SNPH: variants seen among roughly 807,000 people sequenced by gnomAD.
The protein encoded by SNPH is syntaphilin.
Under a neutral mutation model 36.8 loss-of-function variants are expected in SNPH, and 10 were observed. That is an observed-to-expected ratio of 0.27 (90% CI 0.17 to 0.46). The LOEUF (loss-of-function observed/expected upper bound fraction) is 0.46. Ranked by LOEUF, SNPH falls within the 20% of genes least tolerant of loss-of-function variation. SNPH has a pLI of 1.00. For missense variants in SNPH, 622 were observed against 744.0 expected, an observed-to-expected ratio of 0.84 and a Z score of 1.91; for synonymous variants, 281 against 312.2, an observed-to-expected ratio of 0.90 and a Z score of 1.05.
chr20:1,301,412 T>C (rs1432033719), intron 6 of SNPH, among the ~76,000 whole-genome samples: 1 of 152,196 alleles, frequency 6.6e-6, no homozygotes, highest in Non-Finnish European at 1.5e-5. Flanking sequence ...ACTGTGTCTA[T>C]GCAAACATGC....
intron 2 of SNPH, among the ~76,000 whole-genome samples, chr20:1,290,224 AT>A (rs1231493191): frequency 6.6e-6 from 1 of 151,764 alleles, no homozygotes; most frequent in East Asian, 1.9e-4. Context: ...AAAAAAAAAA[AT>A]TAAGTTTTTA....
chr20:1,277,740 C>CTATGT (rs2088157211), intron 2 of SNPH, among the ~76,000 whole-genome samples: 1 of 91,006 alleles, frequency 1.1e-5, no homozygotes, highest in Non-Finnish European at 2.1e-5. Flanking sequence ...CTGTGTGTGT[C>CTATGT]GTGTGTCTGT....
intron 2 of SNPH, among the ~76,000 whole-genome samples, chr20:1,273,446 T>C (rs2088095462): frequency 6.6e-6 from 1 of 152,198 alleles, no homozygotes; most frequent in East Asian, 1.9e-4. Flanking sequence ...TTTACAACCA[T>C]TCATTCAACC....
rs3803949 is a variant in SNPH at position 1,308,693 on chromosome 20, C to T, written c.*2639C>T. Reference sequence around the variant, plus strand: ...TTCCTTCCTGCCTAATACCTCCTCCCGTTGGGCTGTGACTTTTCCTCCTGC... The same window carrying T: ...TTCCTTCCTGCCTAATACCTCCTCCTGTTGGGCTGTGACTTTTCCTCCTGC... On this transcript the variant is annotated 3_prime_UTR_variant, in exon 7 of 7. Coordinates refer to ENST00000381867, the MANE Select transcript of SNPH (RefSeq NM_001318234.2). 33,124 of 152,546 alleles carry T rather than the reference C, an allele frequency of 0.22. 4,022 individuals carry two copies. The highest frequency in any genetic ancestry group is 0.46 in the East Asian group (2,376 of 5,162). The allele number at this position is 152,546 out of a possible 1,614,324, so 9.4% of individuals were successfully genotyped here.
At chr20:1,298,804 T>TTTTGTG (rs1200006436) in intron 5 of SNPH, among the ~76,000 whole-genome samples, 2 of 141,154 alleles carry the variant, frequency 1.4e-5, no homozygotes. Flanking sequence ...TTTTTCTAAT[T>TTTTGTG]TGTGTGTGTG....
intron 2 of SNPH, among the ~76,000 whole-genome samples, chr20:1,271,759 G>A (rs2088076004): frequency 1.3e-5 from 2 of 152,224 alleles, no homozygotes. Flanking sequence ...GAAAGACTCA[G>A]TTCAAAAGCC....
intron 2 of SNPH, among the ~76,000 whole-genome samples, chr20:1,281,286 G>A (rs3795144): frequency 0.21 from 32,097 of 151,968 alleles, 3,576 homozygotes; most frequent in African/African-American, 0.27. Flanking sequence ...TTAAAACGTC[G>A]TCATCCCTGA....
Position 1,304,317 on chromosome 20 carries a change from CA to C in SNPH, c.441-560del, listed in dbSNP as rs2088540035. Among the ~76,000 whole-genome samples the C allele has an allele frequency of 6.6e-6, 1 of 152,138 alleles. No individual in the cohort carries two copies. The highest frequency in any genetic ancestry group is 1.9e-4 in the East Asian group (1 of 5,194). On this transcript the variant is annotated intron_variant, in intron 6 of 6. Transcript: ENST00000381867. This position sits in a 1 kb window ranked among gnomAD's most constrained non-coding sequence, Gnocchi z 4.3. ...CTCTGCATGAGGGATGATGTAAAAT[CA>C]TCAGCCTCCCCCAACATTGAAAGCT...
At chr20:1,302,626 C>T (rs2088516791) in intron 6 of SNPH, among the ~76,000 whole-genome samples, 1 of 152,180 alleles carries the variant, frequency 6.6e-6, no homozygotes. Context: ...TTAGCAATCA[C>T]CGCCAGTTTC....
intron 2 of SNPH, among the ~76,000 whole-genome samples, chr20:1,277,819 GTGTC>G (rs1339143500): frequency 1.4e-5 from 2 of 147,914 alleles, no homozygotes; most frequent in Admixed American, 6.7e-5. Context: ...CTGTGCCTGT[GTGTC>G]TGTGTATCTG....
At position 1,306,054 on chromosome 20, in the gene SNPH, AG is replaced by A; in HGVS notation, c.*5del. 1.4e-6 allele frequency: 2 copies of A among 1,452,036 alleles called. No individual in the cohort carries two copies. Among genetic ancestry groups the A allele is most frequent in the Non-Finnish European group, 1.8e-6 (2 of 1,104,494 alleles). The allele number at this position is 1,452,036 out of a possible 1,614,324, so 89.9% of individuals were successfully genotyped here. Reference sequence around the variant, plus strand: ...CAGCGGGCGGCGGCTCCCAGCTCTGAGGGGGCCCATTCTGGCAGCGGCGCCT... The same window carrying A: ...CAGCGGGCGGCGGCTCCCAGCTCTGAGGGGCCCATTCTGGCAGCGGCGCCT... On this transcript the variant is annotated 3_prime_UTR_variant, in exon 7 of 7. Coordinates refer to ENST00000381867, the MANE Select transcript of SNPH (RefSeq NM_001318234.2).
intron 2 of SNPH, among the ~76,000 whole-genome samples, chr20:1,284,226 G>T (rs2088258635): frequency 6.6e-6 from 1 of 152,114 alleles, no homozygotes; most frequent in Admixed American, 6.5e-5. Context: ...TGTGTAGAAA[G>T]GACTATAATA....
intron 2 of SNPH, among the ~76,000 whole-genome samples, chr20:1,274,217 T>G (rs2088105083): frequency 6.6e-6 from 1 of 152,098 alleles, no homozygotes; most frequent in South Asian, 2.1e-4. Flanking sequence ...GATAGCAGTT[T>G]TCAGGGGTAA....
intron 2 of SNPH, among the ~76,000 whole-genome samples, chr20:1,277,495 GTA>G: frequency 6.6e-6 from 1 of 150,552 alleles, no homozygotes. Flanking sequence ...CTGTGTATCT[GTA>G]TGTGTGTCCG....
intron 2 of SNPH, among the ~76,000 whole-genome samples, chr20:1,281,473 T>C (rs999049285): frequency 6.6e-6 from 1 of 152,158 alleles, no homozygotes; most frequent in Non-Finnish European, 1.5e-5. Context: ...TCAAAAGGCT[T>C]TTTTCTGCTG....
chr20:1,266,810 C>G lies in SNPH; in HGVS notation c.-493+50C>G. 1.5e-6 allele frequency: 2 copies of G among 1,301,222 alleles called. No homozygotes were observed. The highest frequency in any genetic ancestry group is 3.2e-5 in the East Asian group (1 of 31,696). The allele number at this position is 1,301,222 out of a possible 1,614,324, so 80.6% of individuals were successfully genotyped here. ...GAGCTGGCCCTGCGCTGCACCGCGG[C>G]AGGTGGGGGCCGCTTGCAACCGCTC... is the stretch of plus-strand genomic sequence containing the variant. On this transcript the variant is annotated intron_variant, in intron 2 of 6. Coordinates refer to ENST00000381867, the MANE Select transcript of SNPH (RefSeq NM_001318234.2). This position sits in a 1 kb window ranked among gnomAD's most constrained non-coding sequence, Gnocchi z 6.0.
At position 1,307,850 on chromosome 20, in the gene SNPH, G is replaced by A. The variant is rs2122479500; in HGVS notation, c.*1796G>A. The A allele has an allele frequency of 6.6e-6, 1 of 152,620 alleles. No individual in the cohort carries two copies. Among genetic ancestry groups the A allele is most frequent in the Middle Eastern group, 3.4e-3 (1 of 292 alleles). The allele number at this position is 152,620 out of a possible 1,614,324, so 9.5% of individuals were successfully genotyped here. ...AGCCAAACCAAACCCAGATGCCTGAGGCCTGGCTGGGGCTGCCCCCGCAGG... is the reference window on the plus strand; with the variant it reads ...AGCCAAACCAAACCCAGATGCCTGAAGCCTGGCTGGGGCTGCCCCCGCAGG... On this transcript the variant is annotated 3_prime_UTR_variant, in exon 7 of 7. Transcript: ENST00000381867.
chr20:1,273,241 T>C (rs1167181623), intron 2 of SNPH, among the ~76,000 whole-genome samples: 1 of 152,122 alleles, frequency 6.6e-6, no homozygotes, highest in Non-Finnish European at 1.5e-5. Context: ...GCCTAGAGTG[T>C]TCTTAGAGAA....
rs761763707 is a variant in SNPH, at chr20:1,305,430, C to T, written c.993C>T (p.Phe331=). The T allele has an allele frequency of 1.8e-5, 29 of 1,613,106 alleles. No homozygotes were observed. The Admixed American group carries it at 2.3e-4, about 13-fold the overall frequency. ...LHSSFGLGPR[F]PASNTYEKLL... ...GCTCCTTCGGCCTGGGCCCCCGCTT[C>T]CCTGCCAGCAACACCTATGAGAAGC... Residue 331 remains phenylalanine, a synonymous_variant, in exon 7 of 7, where the codon TTC becomes TTT. Coordinates refer to ENST00000381867, the MANE Select transcript of SNPH (RefSeq NM_001318234.2).
Sources: allele counts gnomAD v4.1 joint callset (sites outside exome capture counted in the v4.1 genomes callset), GRCh38; gene constraint gnomAD v4.1.1; non-coding constraint Gnocchi (gnomAD v3.1); transcripts MANE v1.5; gene names NCBI Gene and HGNC (gene_info 2026-07-23, HGNC 2026-07-21).